The following CABLES1 variants were observed in gnomAD, a reference collection of about 807,000 sequenced individuals.
CABLES1 encodes CDK5 and ABL1 enzyme substrate 1.
A neutral mutation model predicts 57.8 loss-of-function variants in CABLES1; 36 were observed. That is an observed-to-expected ratio of 0.62 (90% CI 0.48 to 0.82). The LOEUF is 0.82. Among genes scored for constraint, CABLES1 ranks in the 40% least tolerant of loss-of-function variants. The pLI, the probability that CABLES1 is intolerant of heterozygous loss-of-function variation, is 0.00. For missense variants in CABLES1, 767 were observed against 836.6 expected, an observed-to-expected ratio of 0.92 and a Z score of 1.03; for synonymous variants, 374 against 363.0, an observed-to-expected ratio of 1.03 and a Z score of -0.35.
At chr18:23,161,430 G>T (rs1369540331) in intron 1 of CABLES1, among the ~76,000 whole-genome samples, 1 of 151,196 alleles carries the variant, frequency 6.6e-6, no homozygotes, top group Non-Finnish European at 1.5e-5. Flanking sequence ...CATCACTGAT[G>T]AATTTTGGTG....
intron 4 of CABLES1, 40 bp downstream of exon 4, chr18:23,214,094 A>G: frequency 7.1e-7 from 1 of 1,413,542 alleles, no homozygotes; most frequent in Non-Finnish European, 9.9e-7. Context: ...CTCTGGGTGA[A>G]AAGATCTCAC....
At chr18:23,222,532 G>A (rs1267267599) in intron 4 of CABLES1, among the ~76,000 whole-genome samples, 10 of 133,532 alleles carry the variant, frequency 7.5e-5, no homozygotes, top group Admixed American at 7.2e-4. Context: ...CTCTCTCTCT[G>A]TCTCTCTCTC....
chr18:23,199,551 G>A (rs2047308701), intron 3 of CABLES1, among the ~76,000 whole-genome samples: 1 of 152,204 alleles, frequency 6.6e-6, no homozygotes, highest in Non-Finnish European at 1.5e-5. Flanking sequence ...CTACAATGTG[G>A]ATGAATCTTG....
At chr18:23,187,190 A>C (rs1373533913) in intron 1 of CABLES1, among the ~76,000 whole-genome samples, 5 of 152,224 alleles carry the variant, frequency 3.3e-5, no homozygotes, top group African/African-American at 4.8e-5. Context: ...GCTGACTCTT[A>C]GAAATCTGGC....
chr18:23,136,547 C>T lies in CABLES1; in HGVS notation c.785C>T (p.Ser262Phe), dbSNP rs1408904909. ...FSRPTSQNYCSLEQPGQGGST... is the reference protein window; with the variant it reads ...FSRPTSQNYCFLEQPGQGGST... Reference sequence around the variant, plus strand: ...AGGCCGACTTCGCAGAACTACTGCTCCCTGGAGCAGCCAGGCCAGGGCGGC... The same window carrying T: ...AGGCCGACTTCGCAGAACTACTGCTTCCTGGAGCAGCCAGGCCAGGGCGGC... Residue 262 changes from serine (S) to phenylalanine (F), a missense_variant, in exon 1 of 10, where the codon TCC becomes TTC. Ser to Phe is a radical substitution (Grantham distance 155). This residue lies in a region of CABLES1 where 529 missense variants were observed against 622.8 expected (regional missense o/e 0.85). Coordinates refer to ENST00000256925, the MANE Select transcript of CABLES1 (RefSeq NM_001100619.3). 5.7e-6 allele frequency: 9 copies of T among 1,567,060 alleles called. No individual in the cohort carries two copies. Among genetic ancestry groups the T allele is most frequent in the African/African-American group, 5.5e-5 (4 of 72,458 alleles).
At chr18:23,138,104 C>A (rs1035794884) in intron 1 of CABLES1, among the ~76,000 whole-genome samples, 2 of 152,176 alleles carry the variant, frequency 1.3e-5, no homozygotes, top group African/African-American at 4.8e-5. Flanking sequence ...AGGGTTATGA[C>A]AGGAATTGTA....
chr18:23,234,518 G>A, intron 4 of CABLES1, 90 bp from the exon 5 acceptor site: 1 of 937,380 alleles, frequency 1.1e-6, no homozygotes, highest in Non-Finnish European at 1.7e-6. Context: ...TTTCATCGGT[G>A]TGACTGTGTT....
intron 7 of CABLES1, among the ~76,000 whole-genome samples, chr18:23,240,694 T>G (rs2047714044): frequency 6.6e-6 from 1 of 152,110 alleles, no homozygotes. Context: ...AGCCCCAGAG[T>G]CCTGCTGCCT....
chr18:23,135,603 G>C lies in CABLES1; in HGVS notation c.-160G>C, dbSNP rs958550972. ...GCGCCCCCATCCCCAGCACCGAGGG[G>C]CGAGCATGGCCCGCCCGCGGGGGGG... On this transcript the variant is annotated 5_prime_UTR_variant, in exon 1 of 10. Transcript: ENST00000256925. 2.5e-6 allele frequency: 1 copy of C among 406,412 alleles called. No individual in the cohort carries two copies. The highest frequency in any genetic ancestry group is 2.2e-5 in the African/African-American group (1 of 45,800). 25.2% of individuals were successfully genotyped at this position (406,412 alleles called of 1,614,324 possible). A position where few individuals can be genotyped will look rare whatever the true frequency, so the allele number is the denominator to read the frequency against.
intron 7 of CABLES1, among the ~76,000 whole-genome samples, chr18:23,240,614 G>C (rs569328921): frequency 3.9e-5 from 6 of 152,346 alleles, no homozygotes; most frequent in Middle Eastern, 3.4e-3. Flanking sequence ...AGTGATTGGG[G>C]AAGGAGCAGG....
intron 3 of CABLES1, among the ~76,000 whole-genome samples, chr18:23,210,480 T>C (rs748731777): frequency 6.6e-5 from 10 of 152,186 alleles, no homozygotes; most frequent in Non-Finnish European, 1.0e-4. Context: ...TAGAGGTACC[T>C]TCCAGGAGGC....
intron 7 of CABLES1, among the ~76,000 whole-genome samples, chr18:23,250,751 A>C (rs1394839722): frequency 6.6e-6 from 1 of 152,242 alleles, no homozygotes; most frequent in Non-Finnish European, 1.5e-5. Flanking sequence ...TGATTGGGCC[A>C]GAAAGACTAT....
At chr18:23,200,362 C>T (rs1001513795) in intron 3 of CABLES1, among the ~76,000 whole-genome samples, 8 of 151,986 alleles carry the variant, frequency 5.3e-5, no homozygotes, top group Admixed American at 2.6e-4. Context: ...TAGGTTCACA[C>T]CATTCTCCTG....
At chr18:23,188,950 C>A in intron 2 of CABLES1, 41 bp downstream of exon 2, 1 of 1,352,990 alleles carries the variant, frequency 7.4e-7, no homozygotes, top group Non-Finnish European at 1.0e-6. Flanking sequence ...AACAGTACAC[C>A]ATGACAGCCA....
At chr18:23,251,459 TAAAA>T (rs954582641) in intron 7 of CABLES1, among the ~76,000 whole-genome samples, 4 of 150,572 alleles carry the variant, frequency 2.7e-5, no homozygotes, top group Non-Finnish European at 4.4e-5. Context: ...TCAAAAAAAA[TAAAA>T]AAAGATTATG....
chr18:23,136,054 G>T lies in CABLES1; in HGVS notation c.292G>T (p.Ala98Ser). 1.4e-6 allele frequency: 1 copy of T among 700,350 alleles called. No homozygotes were observed. The highest frequency in any genetic ancestry group is 1.7e-6 in the Non-Finnish European group (1 of 583,216). 43.4% of individuals were successfully genotyped at this position (700,350 alleles called of 1,614,324 possible). A position where few individuals can be genotyped will look rare whatever the true frequency, so the allele number is the denominator to read the frequency against. The stretch of plus-strand genomic sequence containing the variant: ...GGAGGGCGGCGCGGCCAAGCCGGGC[G>T]CCGGCGGCGCCTGCGGCGCGAGGAC... ...GEEGGAAKPG[A>S]GGACGARTRF... Residue 98 changes from alanine to serine, a missense_variant, in exon 1 of 10, where the codon GCC (alanine) becomes TCC (serine). By Grantham distance (99) the Ala-to-Ser change is moderately conservative. This residue lies in a region of CABLES1 where 198 missense variants were observed against 149.7 expected (regional missense o/e 1.32). Transcript: ENST00000256925.
intron 3 of CABLES1, among the ~76,000 whole-genome samples, chr18:23,200,712 A>G (rs1474417415): frequency 6.6e-6 from 1 of 152,210 alleles, no homozygotes; most frequent in African/African-American, 2.4e-5. Flanking sequence ...CTCCTCATTG[A>G]TGGAATAACT....
At position 23,253,887 on chromosome 18, in the gene CABLES1, C is replaced by G. The variant is rs1332201486; in HGVS notation, c.1712C>G (p.Ala571Gly). Residue 571 changes from alanine (A) to glycine (G), a missense_variant, in exon 9 of 10, where the codon GCC (alanine) becomes GGC (glycine). By Grantham distance (60) the Ala-to-Gly change is moderately conservative. Coordinates refer to ENST00000256925, the MANE Select transcript of CABLES1 (RefSeq NM_001100619.3). ...GCTGGGGCATGTGTGCTGTTAGCAG[C>G]CAAAATTGGAAGTGACCTCAAAAAA... ...LCAGACVLLA[A>G]KIGSDLKKHE... 12 of 1,614,128 alleles carry G rather than the reference C, an allele frequency of 7.4e-6. No homozygotes were observed. Among genetic ancestry groups the G allele is most frequent in the Non-Finnish European group, 1.0e-5 (12 of 1,180,036 alleles).
chr18:23,172,189 C>T (rs78035512), intron 1 of CABLES1, among the ~76,000 whole-genome samples: 4,854 of 152,242 alleles, frequency 0.032, 260 homozygotes, highest in African/African-American at 0.11. Flanking sequence ...ACTGAATACT[C>T]ATATGTAGGT....
Sources: gnomAD v4.1 joint callset for allele counts (sites outside exome capture counted in the v4.1 genomes callset) on GRCh38, gnomAD v4.1.1 for gene constraint, gnomAD v4.1.1 regional missense constraint, MANE v1.5 for transcripts, NCBI Gene and HGNC (gene_info 2026-07-23, HGNC 2026-07-21) for gene names.